The following TBC1D2B variants were observed in gnomAD, a reference collection of about 807,000 sequenced individuals.
TBC1D2B encodes the protein TBC1 domain family, member 2B.
A neutral mutation model predicts 100.8 loss-of-function variants in TBC1D2B; 64 were observed. The observed-to-expected ratio is 0.64, with a 90% CI of 0.52 to 0.78. The LOEUF is 0.78. Among genes scored for constraint, TBC1D2B ranks in the 30% least tolerant of loss-of-function variants. The pLI is 0.00. For synonymous variants in TBC1D2B, 480 were observed against 479.7 expected (o/e 1.00, Z -0.01); for missense variants, 1,052 against 1,218.4 (o/e 0.86, Z 2.03).
rs1567020142 is a variant in TBC1D2B, at chr15:78,024,475, C to T, written c.1151G>A (p.Ser384Asn). The T allele has an allele frequency of 6.2e-6, 10 of 1,614,016 alleles. No individual in the cohort carries two copies. The highest frequency in any genetic ancestry group is 1.7e-5 in the Admixed American group (1 of 60,016). ...SSQYDKYFTSSRLCEGVPKDT... is the reference protein window; with the variant it reads ...SSQYDKYFTSNRLCEGVPKDT... ...CTTTGGGACCCCCTCACAGAGCCGG[C>T]TGCTTGTGAAATACTTGTCATACTG... Residue 384 changes from serine (S) to asparagine (N), a missense_variant, in exon 6 of 13, where the codon AGC becomes AAC. Transcript: ENST00000300584.
chr15:78,059,274 G>A (rs2073492067), intron 1 of TBC1D2B, among the ~76,000 whole-genome samples: 1 of 152,192 alleles, frequency 6.6e-6, no homozygotes, highest in Admixed American at 6.5e-5. Context: ...GTCTCAATAC[G>A]ATCCAAGATG....
intron 2 of TBC1D2B, among the ~76,000 whole-genome samples, chr15:78,052,942 C>T (rs576185001): frequency 3.3e-5 from 5 of 152,150 alleles, no homozygotes; most frequent in Non-Finnish European, 7.3e-5. Context: ...ATAGTCAGAG[C>T]GCTAAGACAG....
rs1272908534 is a variant in TBC1D2B at position 78,030,043 on chromosome 15, C to T, written c.811G>A (p.Glu271Lys). 6.5e-5 allele frequency: 104 copies of T among 1,612,312 alleles called. No individual in the cohort carries two copies. The highest frequency in any genetic ancestry group is 8.6e-5 in the Non-Finnish European group (101 of 1,179,360). ...PKDLEESIVQEEKKKLTPEGN... is the reference protein window; with the variant it reads ...PKDLEESIVQKEKKKLTPEGN... ...TCAGGGGTCAGCTTCTTCTTTTCTT[C>T]CTGTACTATGGACTCCTCTAGGTCC... Residue 271 changes from glutamate to lysine, a missense_variant, in exon 4 of 13, where the codon GAA (glutamate) becomes AAA (lysine). Around this residue, in one of 4 missense-constraint regions of TBC1D2B, gnomAD observed 627 missense variants for 646.1 expected, o/e 0.97. Transcript: ENST00000300584.
intron 3 of TBC1D2B, among the ~76,000 whole-genome samples, chr15:78,033,552 G>T (rs2072871150): frequency 6.6e-6 from 1 of 152,204 alleles, no homozygotes; most frequent in South Asian, 2.1e-4. Flanking sequence ...TAAAGGTGTA[G>T]AAATGTTCTA....
chr15:78,016,407 C>A (rs2072376492), intron 8 of TBC1D2B, 139 bp downstream of exon 8: 1 of 755,990 alleles, frequency 1.3e-6, no homozygotes, highest in East Asian at 2.8e-5. Context: ...CATTACCGTT[C>A]TGCTGACCTG....
chr15:78,031,168 C>A (rs1487930522), intron 3 of TBC1D2B, among the ~76,000 whole-genome samples: 1 of 152,116 alleles, frequency 6.6e-6, no homozygotes, highest in Admixed American at 6.5e-5. Context: ...ATATATGTAG[C>A]AAAACTATTT....
At chr15:78,013,747 G>A (rs1039775496) in intron 8 of TBC1D2B, among the ~76,000 whole-genome samples, 1 of 152,090 alleles carries the variant, frequency 6.6e-6, no homozygotes, top group Non-Finnish European at 1.5e-5. Flanking sequence ...AACAAAGAAT[G>A]TATTTATAAG....
Position 78,003,493 on chromosome 15 carries a change from G to A in TBC1D2B, c.2389-3C>T, listed in dbSNP as rs766790338. 14 of 1,604,438 alleles carry A rather than the reference G, an allele frequency of 8.7e-6. No homozygotes were observed. Among genetic ancestry groups the A allele is most frequent in the East Asian group, 2.2e-5 (1 of 44,626 alleles). On this transcript the variant is annotated splice_region_variant and splice_polypyrimidine_tract_variant and intron_variant, in intron 10 of 12. Coordinates refer to ENST00000300584, the MANE Select transcript of TBC1D2B (RefSeq NM_144572.2). ...TCTCTGAACACCCGCTGGTCCACCT[G>A]GAGAGGGAACAAAGGGGAGAAGTGT...
chr15:78,006,653 C>T (rs1034255302), intron 10 of TBC1D2B, among the ~76,000 whole-genome samples: 1 of 152,192 alleles, frequency 6.6e-6, no homozygotes, highest in African/African-American at 2.4e-5. Context: ...AGCCCCTCAT[C>T]GGTGGCACCT....
At chr15:78,068,102 T>A (rs2141841255) in intron 1 of TBC1D2B, among the ~76,000 whole-genome samples, 1 of 152,308 alleles carries the variant, frequency 6.6e-6, no homozygotes, top group African/African-American at 2.4e-5. Context: ...ATCAAAAAAC[T>A]TGCAGACATG....
intron 10 of TBC1D2B, among the ~76,000 whole-genome samples, chr15:78,005,945 A>G (rs971325508): frequency 5.9e-5 from 9 of 152,166 alleles, no homozygotes; most frequent in African/African-American, 2.2e-4. Context: ...ACCAACTTTT[A>G]TTGAGTTTTT....
intron 3 of TBC1D2B, among the ~76,000 whole-genome samples, chr15:78,030,534 C>G (rs1007915635): frequency 1.8e-4 from 27 of 152,062 alleles, no homozygotes; most frequent in African/African-American, 6.0e-4. Context: ...GGCTCGAACT[C>G]TTGACCTCAA....
At position 78,001,679 on chromosome 15, in the gene TBC1D2B, T is replaced by G. The variant is rs1361837831; in HGVS notation, c.2636A>C (p.Gln879Pro). 6.2e-7 allele frequency: 1 copy of G among 1,608,526 alleles called. No individual in the cohort carries two copies. Among genetic ancestry groups the G allele is most frequent in the South Asian group, 1.1e-5 (1 of 89,808 alleles). ...ATACTTAAATATAGACATCGAATCT[T>G]GCAATTTCAAAATCTCCTCTTCCTT... ...KYKEEEILKLQDSMSIFKYLR... is the reference protein window; with the variant it reads ...KYKEEEILKLPDSMSIFKYLR... The change falls in exon 12 of 13, where the codon CAA (glutamine) becomes CCA (proline). Residue 879 changes from glutamine (Q) to proline (P), a missense_variant. Physicochemically the swap from Gln to Pro is moderately conservative, Grantham distance 76. This residue lies in a region of TBC1D2B where 373 missense variants were observed against 464.9 expected (regional missense o/e 0.80). Coordinates refer to ENST00000300584, the MANE Select transcript of TBC1D2B (RefSeq NM_144572.2).
Position 78,077,286 on chromosome 15 carries a change from G to GT in TBC1D2B, c.360+6dup. The GT allele has an allele frequency of 6.7e-7, 1 of 1,492,080 alleles. No individual in the cohort carries two copies. The highest frequency in any genetic ancestry group is 8.9e-7 in the Non-Finnish European group (1 of 1,123,662). 92.4% of individuals were successfully genotyped at this position (1,492,080 alleles called of 1,614,324 possible). On this transcript the variant is annotated splice_region_variant and intron_variant, in intron 1 of 12. Transcript: ENST00000300584. ...CGCGCGGGCGGCTTTGGGGCGAGCG[G>GT]TCCCACCTTGAGCACCGTGACGGCT...
chr15:77,999,619 C>T (rs1335149922), intron 12 of TBC1D2B, among the ~76,000 whole-genome samples: 1 of 152,204 alleles, frequency 6.6e-6, no homozygotes, highest in Non-Finnish European at 1.5e-5. Context: ...GAATGGGGCA[C>T]AGGGTCCCCA....
chr15:78,062,443 C>A (rs1214705781), intron 1 of TBC1D2B, among the ~76,000 whole-genome samples: 1 of 152,136 alleles, frequency 6.6e-6, no homozygotes, highest in Non-Finnish European at 1.5e-5. Context: ...CTGGTGAGAT[C>A]CCATTAATCT....
chr15:78,050,445 G>A (rs61596558), intron 2 of TBC1D2B, among the ~76,000 whole-genome samples: 10,364 of 152,194 alleles, frequency 0.068, 443 homozygotes, highest in East Asian at 0.24. Context: ...GTTATCCCTG[G>A]CTTGTTTTCT....
At chr15:78,051,716 A>G (rs549082137) in intron 2 of TBC1D2B, among the ~76,000 whole-genome samples, 27 of 152,364 alleles carry the variant, frequency 1.8e-4, no homozygotes, top group African/African-American at 6.5e-4. Context: ...AATTCTTACT[A>G]GAGTAGGCTA....
intron 3 of TBC1D2B, among the ~76,000 whole-genome samples, chr15:78,039,651 T>C (rs1012527619): frequency 1.3e-5 from 2 of 152,126 alleles, no homozygotes; most frequent in African/African-American, 4.8e-5. Context: ...GCCTGGGTTG[T>C]GTAGCCACCA....
Sources: allele counts gnomAD v4.1 joint callset (sites outside exome capture counted in the v4.1 genomes callset), GRCh38; gene constraint gnomAD v4.1.1; regional missense constraint gnomAD v4.1.1; transcripts MANE v1.5; gene names NCBI Gene and HGNC (gene_info 2026-07-23, HGNC 2026-07-21).